Variants in INO80D observed in about 807,000 individuals in gnomAD.
The protein encoded by INO80D is INO80 complex subunit D.
A neutral mutation model predicts 87.6 loss-of-function variants in INO80D; 21 were observed. That is an observed-to-expected ratio of 0.24 (90% CI 0.17 to 0.35). The LOEUF (loss-of-function observed/expected upper bound fraction) is 0.35, where lower values mean the gene tolerates loss of function less well. INO80D is among the 10% of genes least tolerant of loss of function. The pLI, the probability that INO80D is intolerant of heterozygous loss-of-function variation, is 1.00. For synonymous variants in INO80D, 440 were observed against 491.0 expected, an observed-to-expected ratio of 0.90 and a Z score of 1.37; for missense variants, 982 against 1,280.7, an observed-to-expected ratio of 0.77 and a Z score of 3.56.
chr2:205,998,408 C>G lies in INO80D; in HGVS notation c.*5960G>C, dbSNP rs1687845740. 1 of 128,638 alleles carries G rather than the reference C, an allele frequency of 7.8e-6. No individual in the cohort carries two copies. Among genetic ancestry groups the G allele is most frequent in the African/African-American group, 3.0e-5 (1 of 33,054 alleles). 8.0% of individuals were successfully genotyped at this position (128,638 alleles called of 1,614,324 possible). A position where few individuals can be genotyped will look rare whatever the true frequency, so the allele number is the denominator to read the frequency against. On this transcript the variant is annotated 3_prime_UTR_variant, in exon 11 of 11. Transcript: ENST00000403263. ...AGGATAGCTATACACCTTGACACGG[C>G]AGAGATCCAGTGTAAAAAGGTGCTT...
At position 206,005,019 on chromosome 2, in the gene INO80D, G is replaced by T; in HGVS notation, c.2433C>A (p.Thr811=). 2 of 1,614,018 alleles carry T rather than the reference G, an allele frequency of 1.2e-6. No individual in the cohort carries two copies. Among genetic ancestry groups the T allele is most frequent in the Non-Finnish European group, 1.7e-6 (2 of 1,179,888 alleles). Residue 811 remains threonine, a synonymous_variant, in exon 11 of 11, where the codon ACC becomes ACA. Coordinates refer to ENST00000403263, the MANE Select transcript of INO80D (RefSeq NM_017759.5). The part of the protein sequence containing the change: ...QLLSKADDLI[T]SRQQYSSDHS... ...GATCACTGCTGTATTGCTGTCGTGAGGTGATTAGGTCATCTGCCTTGCTCA... is the reference window on the plus strand; with the variant it reads ...GATCACTGCTGTATTGCTGTCGTGATGTGATTAGGTCATCTGCCTTGCTCA...
At chr2:206,068,419 A>T (rs1326574934) in intron 1 of INO80D, among the ~76,000 whole-genome samples, 2 of 152,066 alleles carry the variant, frequency 1.3e-5, no homozygotes, top group Non-Finnish European at 2.9e-5. Context: ...TTTAGATCTC[A>T]GGTCAGCAAA....
chr2:206,003,859 C>T lies in INO80D; in HGVS notation c.*509G>A, dbSNP rs991633264. The T allele has an allele frequency of 1.0e-4, 17 of 162,684 alleles. No individual in the cohort carries two copies. The highest frequency in any genetic ancestry group is 8.4e-4 in the Admixed American group (15 of 17,950). 10.1% of individuals were successfully genotyped at this position (162,684 alleles called of 1,614,324 possible). A position where few individuals can be genotyped will look rare whatever the true frequency, so the allele number is the denominator to read the frequency against. On this transcript the variant is annotated 3_prime_UTR_variant, in exon 11 of 11. Coordinates refer to ENST00000403263, the MANE Select transcript of INO80D (RefSeq NM_017759.5). ...TTTTAGTTAAACATGATCACAATTA[C>T]GAATGGAATCCTGGCCTCACTGTGG...
At chr2:206,071,518 G>T (rs1689972801) in intron 1 of INO80D, among the ~76,000 whole-genome samples, 1 of 136,918 alleles carries the variant, frequency 7.3e-6, no homozygotes, top group Non-Finnish European at 1.5e-5. Flanking sequence ...TCAATTATTG[G>T]CATACTAGAT....
chr2:206,042,743 G>A (rs1027340109), intron 5 of INO80D, among the ~76,000 whole-genome samples: 27 of 151,308 alleles, frequency 1.8e-4, no homozygotes, highest in Admixed American at 1.4e-3. Flanking sequence ...CCAATACTTC[G>A]GAAGGTCAAC....
At chr2:206,060,829 G>A (rs920799495) in intron 3 of INO80D, among the ~76,000 whole-genome samples, 3 of 151,968 alleles carry the variant, frequency 2.0e-5, no homozygotes, top group Admixed American at 1.3e-4. Flanking sequence ...CAAAGTGCTG[G>A]GATTACAGGC....
Position 206,056,949 on chromosome 2 carries a change from A to G in INO80D, c.219-6T>C, listed in dbSNP as rs764342253. 1 of 1,572,858 alleles carries G rather than the reference A, an allele frequency of 6.4e-7. No individual in the cohort carries two copies. Among genetic ancestry groups the G allele is most frequent in the Admixed American group, 1.8e-5 (1 of 54,694 alleles). On this transcript the variant is annotated splice_region_variant and splice_polypyrimidine_tract_variant and intron_variant, in intron 3 of 10. Transcript: ENST00000403263. ...GCAAGTGGCTGTTGCAGTACCTTTA[A>G]AATACACACATACATGGGAAAACAG...
intron 1 of INO80D, among the ~76,000 whole-genome samples, chr2:206,066,990 A>C (rs541071879): frequency 6.6e-6 from 1 of 151,178 alleles, no homozygotes; most frequent in Admixed American, 6.6e-5. Flanking sequence ...GTTCATGCCT[A>C]TAATCCCAGC....
At chr2:206,019,931 A>G in intron 6 of INO80D, 86 bp from the exon 7 acceptor site, 1 of 868,470 alleles carries the variant, frequency 1.2e-6, no homozygotes, top group Non-Finnish European at 1.9e-6. Context: ...ACAACTCTGT[A>G]ACACTCTCAT....
In INO80D at chr2:205,999,558, A is replaced by G. The variant is rs1575783200; in HGVS notation, c.*4810T>C. 1.2e-5 allele frequency: 1 copy of G among 80,860 alleles called. No homozygotes were observed. The highest frequency in any genetic ancestry group is 1.6e-4 in the Admixed American group (1 of 6,336). 5.0% of individuals were successfully genotyped at this position (80,860 alleles called of 1,614,324 possible). ...TATCACAGTGCAGAGAAAAACTAAC[A>G]AAAAAAAATAAGGGCTGAAGTGAAA... On this transcript the variant is annotated 3_prime_UTR_variant, in exon 11 of 11. Coordinates refer to ENST00000403263, the MANE Select transcript of INO80D (RefSeq NM_017759.5).
At chr2:206,030,402 G>A (rs1362060287) in intron 5 of INO80D, among the ~76,000 whole-genome samples, 2 of 152,002 alleles carry the variant, frequency 1.3e-5, no homozygotes, top group Admixed American at 1.3e-4. Context: ...GGTGGAGGTT[G>A]CAGGAAACTG....
chr2:206,080,143 C>T (rs920550744), intron 1 of INO80D, among the ~76,000 whole-genome samples: 1 of 152,198 alleles, frequency 6.6e-6, no homozygotes, highest in Admixed American at 6.5e-5. Context: ...GAACGTGTCT[C>T]TATTGCAAAG....
chr2:206,015,516 T>C (rs1175025977), intron 8 of INO80D, among the ~76,000 whole-genome samples: 1 of 152,160 alleles, frequency 6.6e-6, no homozygotes, highest in African/African-American at 2.4e-5. Flanking sequence ...AGCTTCTACA[T>C]AGTGTTCAGC....
intron 3 of INO80D, among the ~76,000 whole-genome samples, chr2:206,061,265 C>T (rs1339857383): frequency 6.6e-6 from 1 of 152,070 alleles, no homozygotes; most frequent in Non-Finnish European, 1.5e-5. Context: ...ACCGCCTTAG[C>T]CTCCAAAAGT....
chr2:206,076,829 G>A (rs980554968), intron 1 of INO80D, among the ~76,000 whole-genome samples: 12 of 152,174 alleles, frequency 7.9e-5, no homozygotes, highest in Admixed American at 4.6e-4. Context: ...TAATTACTAA[G>A]TATAAGACCT....
chr2:206,024,197 A>C (rs1688541255), intron 6 of INO80D, among the ~76,000 whole-genome samples: 1 of 152,162 alleles, frequency 6.6e-6, no homozygotes, highest in Non-Finnish European at 1.5e-5. Flanking sequence ...TCATTTATTC[A>C]ATTTTGTTCA....
At chr2:206,081,140 T>G (rs761485676) in intron 1 of INO80D, among the ~76,000 whole-genome samples, 4 of 152,142 alleles carry the variant, frequency 2.6e-5, no homozygotes, top group Non-Finnish European at 5.9e-5. Context: ...TAAGTAATTG[T>G]CATTATCCAA....
rs548070998 is a variant in INO80D at position 206,006,670 on chromosome 2, G to A, written c.1918+614C>T. 2.2e-4 allele frequency among the ~76,000 whole-genome samples: 32 copies of A among 145,790 alleles called. No homozygotes were observed. In the South Asian group the frequency reaches 6.0e-3, roughly 27 times the overall value. On this transcript the variant is annotated intron_variant, in intron 10 of 10. Coordinates refer to ENST00000403263, the MANE Select transcript of INO80D (RefSeq NM_017759.5). ...TACATTCCAGTCTGAGCGACAGAGCGAGACTCCATCTCAAAAAAAAAAAAA... is the reference window on the plus strand; with the variant it reads ...TACATTCCAGTCTGAGCGACAGAGCAAGACTCCATCTCAAAAAAAAAAAAA...
At chr2:206,046,683 C>T in intron 4 of INO80D, 71 bp from the exon 5 acceptor site, 1 of 954,134 alleles carries the variant, frequency 1.0e-6, no homozygotes, top group Non-Finnish European at 1.7e-6. Context: ...TAAAAAGCTA[C>T]ACAAAATAAC....
Sources: gnomAD v4.1 joint callset for allele counts (sites outside exome capture counted in the v4.1 genomes callset) on GRCh38, gnomAD v4.1.1 for gene constraint, MANE v1.5 for transcripts, NCBI Gene and HGNC (gene_info 2026-07-23, HGNC 2026-07-21) for gene names.